Variants in SEC24B observed in about 807,000 individuals in gnomAD.
SEC24B encodes the protein SEC24 homolog B, COPII component.
Under a neutral mutation model 142.8 loss-of-function variants are expected in SEC24B, and 45 were observed. That is an observed-to-expected ratio of 0.32 (90% confidence interval 0.25 to 0.40). SEC24B has a LOEUF of 0.40. Ranked by LOEUF, SEC24B falls within the 10% of genes least tolerant of loss-of-function variation. SEC24B has a pLI of 1.00. For synonymous variants in SEC24B, 574 were observed against 568.2 expected (o/e 1.01, Z -0.15); for missense variants, 1,409 against 1,526.8 (o/e 0.92, Z 1.29).
At chr4:109,441,927 A>G (rs971430977) in intron 1 of SEC24B, among the ~76,000 whole-genome samples, 1 of 152,218 alleles carries the variant, frequency 6.6e-6, no homozygotes, top group Admixed American at 6.5e-5. Flanking sequence ...TAGGAGAGAA[A>G]GAATACAAGA....
intron 2 of SEC24B, among the ~76,000 whole-genome samples, chr4:109,468,115 GAAAT>G (rs938687848): frequency 2.0e-5 from 3 of 146,410 alleles, no homozygotes; most frequent in African/African-American, 5.6e-5. Flanking sequence ...ATATAAGTAA[GAAAT>G]AAATTAGACA....
At chr4:109,514,536 T>C (rs996444443) in intron 10 of SEC24B, among the ~76,000 whole-genome samples, 5 of 152,130 alleles carry the variant, frequency 3.3e-5, no homozygotes, top group African/African-American at 1.2e-4. Flanking sequence ...CTGTCTCTAC[T>C]TAAAATACAA....
At chr4:109,491,512 A>C in intron 5 of SEC24B, 105 bp downstream of exon 5, 1 of 821,458 alleles carries the variant, frequency 1.2e-6, no homozygotes, top group Non-Finnish European at 1.9e-6. Context: ...TATATTTTTA[A>C]CAAGAAAAAA....
At chr4:109,490,085 A>G (rs1734854512) in intron 4 of SEC24B, among the ~76,000 whole-genome samples, 1 of 152,138 alleles carries the variant, frequency 6.6e-6, no homozygotes, top group African/African-American at 2.4e-5. Context: ...TTATAAGAAC[A>G]TAAAAAACCA....
chr4:109,499,279 T>A (rs753161875), intron 6 of SEC24B, among the ~76,000 whole-genome samples: 3 of 152,128 alleles, frequency 2.0e-5, no homozygotes, highest in African/African-American at 7.3e-5. Flanking sequence ...GAAGAAACCT[T>A]TCTTATTATA....
intron 6 of SEC24B, among the ~76,000 whole-genome samples, chr4:109,495,756 G>T (rs995258461): frequency 6.6e-6 from 1 of 152,132 alleles, no homozygotes; most frequent in African/African-American, 2.4e-5. Flanking sequence ...CTGCCATCTT[G>T]AACATGTCTA....
intron 3 of SEC24B, among the ~76,000 whole-genome samples, chr4:109,479,311 G>GGTA (rs1323279540): frequency 2.0e-5 from 3 of 152,056 alleles, no homozygotes; most frequent in Admixed American, 1.3e-4. Flanking sequence ...ATTCGGTGGT[G>GGTA]GTGGTGGTAG....
intron 6 of SEC24B, among the ~76,000 whole-genome samples, chr4:109,500,074 T>C (rs549300425): frequency 1.3e-5 from 2 of 152,252 alleles, no homozygotes; most frequent in East Asian, 3.9e-4. Context: ...TGTGTATTCA[T>C]TTTCAACAAA....
At chr4:109,450,082 A>G (rs779458260) in intron 1 of SEC24B, among the ~76,000 whole-genome samples, 8 of 151,908 alleles carry the variant, frequency 5.3e-5, no homozygotes, top group African/African-American at 9.7e-5. Flanking sequence ...GTGTGGTTGC[A>G]CTCACCTGTA....
At chr4:109,488,650 A>G (rs1734646158) in intron 4 of SEC24B, 1 of 159,936 alleles carries the variant, frequency 6.3e-6, no homozygotes, top group Non-Finnish European at 1.5e-5. Context: ...CTCTGTATTT[A>G]ACTTTTGAGA....
At position 109,520,346 on chromosome 4, in the gene SEC24B, A is replaced by G; in HGVS notation, c.2127-20A>G. 1 of 1,427,152 alleles carries G rather than the reference A, an allele frequency of 7.0e-7. No homozygotes were observed. Among genetic ancestry groups the G allele is most frequent in the Non-Finnish European group, 9.8e-7 (1 of 1,018,454 alleles). The allele number at this position is 1,427,152 out of a possible 1,614,324, so 88.4% of individuals were successfully genotyped here. A position where few individuals can be genotyped will look rare whatever the true frequency, so the allele number is the denominator to read the frequency against. ...TGTTACTGAGCACTCTGAATTTAAA[A>G]TTGTCATTTTTATCTTTAGGCTTCC... is the stretch of plus-strand genomic sequence containing the variant. On this transcript the variant is annotated intron_variant, in intron 11 of 23. Transcript: ENST00000265175.
At chr4:109,453,005 AAG>A (rs1303752420) in intron 1 of SEC24B, among the ~76,000 whole-genome samples, 5 of 152,214 alleles carry the variant, frequency 3.3e-5, no homozygotes, top group East Asian at 1.9e-4. Flanking sequence ...AAGAGTACAA[AAG>A]AGAGAAATTT....
chr4:109,442,629 A>G (rs1421240948), intron 1 of SEC24B, among the ~76,000 whole-genome samples: 1 of 152,190 alleles, frequency 6.6e-6, no homozygotes, highest in African/African-American at 2.4e-5. Context: ...GTTGGAATTC[A>G]ATTCAGGAAA....
At chr4:109,481,203 G>A (rs914503485) in intron 3 of SEC24B, among the ~76,000 whole-genome samples, 1 of 152,002 alleles carries the variant, frequency 6.6e-6, no homozygotes, top group Non-Finnish European at 1.5e-5. Flanking sequence ...TCTGTTATGG[G>A]AACTGAGTTT....
chr4:109,538,524 C>T lies in SEC24B; in HGVS notation c.3620C>T (p.Ser1207Leu), dbSNP rs1725810014. Residue 1207 changes from serine to leucine, a missense_variant, in exon 23 of 24, where the codon TCA (serine) becomes TTA (leucine). By Grantham distance (145) the Ser-to-Leu change is moderately radical. Transcript: ENST00000265175. ...CTTCCAGAGCTAGATACACTTTCAT[C>T]AGAAAGAGCCAGATCCTTCATAACT... is the stretch of plus-strand genomic sequence containing the variant. ...THLPELDTLS[S>L]ERARSFITWL... is the part of the protein sequence containing the mutation. The T allele has an allele frequency of 6.2e-7, 1 of 1,613,048 alleles. No individual in the cohort carries two copies. Among genetic ancestry groups the T allele is most frequent in the Non-Finnish European group, 8.5e-7 (1 of 1,179,118 alleles).
At position 109,466,631 on chromosome 4, in the gene SEC24B, T is replaced by C. The variant is rs191012024; in HGVS notation, c.877+2987T>C. Among the ~76,000 whole-genome samples, 1,120 of 152,232 alleles carry C rather than the reference T, an allele frequency of 7.4e-3. 21 individuals are homozygous for C. Among genetic ancestry groups the C allele is most frequent in the African/African-American group, 0.025 (1,028 of 41,554 alleles). ...TTCACCATGTTGGCCAGGATGGTCTTGATCTCCTGACCTTGTGATCCGCCC... is the reference window on the plus strand; with the variant it reads ...TTCACCATGTTGGCCAGGATGGTCTCGATCTCCTGACCTTGTGATCCGCCC... On this transcript the variant is annotated intron_variant, in intron 2 of 23. Coordinates refer to ENST00000265175, the MANE Select transcript of SEC24B (RefSeq NM_006323.5).
intron 2 of SEC24B, 107 bp downstream of exon 2, chr4:109,463,751 T>G (rs530247629): frequency 1.4e-6 from 2 of 1,475,960 alleles, no homozygotes; most frequent in Admixed American, 4.8e-5. Context: ...ATAGAAAAAC[T>G]GGAAGTTTGC....
intron 3 of SEC24B, among the ~76,000 whole-genome samples, chr4:109,477,625 T>C (rs1423007408): frequency 6.6e-6 from 1 of 152,090 alleles, no homozygotes; most frequent in Non-Finnish European, 1.5e-5. Flanking sequence ...TGTGCCTGGC[T>C]ACCATACCCT....
chr4:109,538,398 G>A, intron 22 of SEC24B, 95 bp from the exon 23 acceptor site: 1 of 755,004 alleles, frequency 1.3e-6, no homozygotes, highest in Non-Finnish European at 2.3e-6. Context: ...ATAGAGTGCT[G>A]GCAGTTGGGG....
Sources: gnomAD v4.1 joint callset for allele counts (sites outside exome capture counted in the v4.1 genomes callset) on GRCh38, gnomAD v4.1.1 for gene constraint, MANE v1.5 for transcripts, NCBI Gene and HGNC (gene_info 2026-07-23, HGNC 2026-07-21) for gene names.